The following ARHGAP15 variants were observed in gnomAD, a reference collection of about 807,000 sequenced individuals.
ARHGAP15 encodes rho GTPase-activating protein 15.
ARHGAP15 carries 51 observed loss-of-function variants against 63.7 expected under a neutral mutation model. The observed-to-expected ratio is 0.80, with a 90% CI of 0.64 to 1.01. The LOEUF is 1.01. ARHGAP15 is among the 50% of genes least tolerant of loss of function. The pLI, the probability that ARHGAP15 is intolerant of heterozygous loss-of-function variation, is 0.00. For synonymous variants in ARHGAP15, 191 were observed against 193.8 expected (o/e 0.99, Z 0.12); for missense variants, 560 against 564.6 (o/e 0.99, Z 0.08).
At chr2:143,151,304 G>A (rs922567465) in intron 1 of ARHGAP15, among the ~76,000 whole-genome samples, 2 of 151,956 alleles carry the variant, frequency 1.3e-5, no homozygotes, top group African/African-American at 4.8e-5. Context: ...AAGGGATATT[G>A]CATCATACAG....
chr2:143,411,684 G>A (rs891677489), intron 6 of ARHGAP15, among the ~76,000 whole-genome samples: 3 of 152,124 alleles, frequency 2.0e-5, no homozygotes, highest in Non-Finnish European at 4.4e-5. Flanking sequence ...TTAAGAACTG[G>A]AGATACATTG....
At chr2:143,597,399 T>C (rs1697564965) in intron 11 of ARHGAP15, among the ~76,000 whole-genome samples, 1 of 152,126 alleles carries the variant, frequency 6.6e-6, no homozygotes, top group African/African-American at 2.4e-5. Flanking sequence ...CTACCTTTAA[T>C]CCAGTTTATG....
chr2:143,642,635 G>A (rs952305483), intron 12 of ARHGAP15, among the ~76,000 whole-genome samples: 6 of 152,028 alleles, frequency 3.9e-5, no homozygotes, highest in Non-Finnish European at 8.8e-5. Flanking sequence ...AGAAGTAAGA[G>A]GTACATTCCC....
intron 8 of ARHGAP15, among the ~76,000 whole-genome samples, chr2:143,465,811 G>T (rs1242969112): frequency 6.6e-6 from 1 of 151,554 alleles, no homozygotes; most frequent in Non-Finnish European, 1.5e-5. Flanking sequence ...TTTCTAATTT[G>T]CTTCACTTTC....
At chr2:143,366,732 TCA>T (rs757445975) in intron 6 of ARHGAP15, among the ~76,000 whole-genome samples, 12 of 151,974 alleles carry the variant, frequency 7.9e-5, no homozygotes, top group African/African-American at 2.7e-4. Flanking sequence ...CAAAATAAAA[TCA>T]CACACAAAAA....
At chr2:143,437,764 G>A (rs565458821) in intron 8 of ARHGAP15, among the ~76,000 whole-genome samples, 37 of 152,210 alleles carry the variant, frequency 2.4e-4, no homozygotes, top group African/African-American at 8.2e-4. Context: ...GGTAGCTCAC[G>A]CCTGTAATCC....
At chr2:143,370,356 G>T (rs1353469497) in intron 6 of ARHGAP15, among the ~76,000 whole-genome samples, 2 of 152,090 alleles carry the variant, frequency 1.3e-5, no homozygotes, top group Admixed American at 6.6e-5. Context: ...TGTGGGGTGG[G>T]GGAAGGGGGG....
chr2:143,734,318 G>A (rs1685662600), intron 13 of ARHGAP15, among the ~76,000 whole-genome samples: 1 of 152,168 alleles, frequency 6.6e-6, no homozygotes, highest in Non-Finnish European at 1.5e-5. Context: ...ATGGCACTGA[G>A]GACCAATTCC....
At chr2:143,360,101 C>A (rs1297873610) in intron 6 of ARHGAP15, among the ~76,000 whole-genome samples, 1 of 151,834 alleles carries the variant, frequency 6.6e-6, no homozygotes. Flanking sequence ...TTCAGAAGGC[C>A]AGACTGGTGG....
chr2:143,690,617 A>G (rs1011287082), intron 12 of ARHGAP15, among the ~76,000 whole-genome samples: 2 of 152,216 alleles, frequency 1.3e-5, no homozygotes, highest in Non-Finnish European at 2.9e-5. Context: ...TAGATTTCAG[A>G]GTATTATTTT....
At chr2:143,730,729 G>A (rs930830501) in intron 13 of ARHGAP15, among the ~76,000 whole-genome samples, 6 of 152,006 alleles carry the variant, frequency 3.9e-5, no homozygotes, top group Non-Finnish European at 8.8e-5. Context: ...CCACAGTGCA[G>A]TGTCTCTTTA....
chr2:143,302,806 G>A lies in ARHGAP15; in HGVS notation c.474+52206G>A, dbSNP rs539093032. Among the ~76,000 whole-genome samples the A allele has an allele frequency of 3.6e-4, 55 of 152,120 alleles. No individual in the cohort carries two copies. The South Asian group carries it at 5.4e-3, about 15-fold the overall frequency. On this transcript the variant is annotated intron_variant, in intron 6 of 13. Coordinates refer to ENST00000295095, the MANE Select transcript of ARHGAP15 (RefSeq NM_018460.4). ...AAAGACTCAATTGAATAAATCATGA[G>A]CTTGACCAGAAGTAAACTCTTGTAA...
chr2:143,487,362 T>TA lies in ARHGAP15; in HGVS notation c.704-8dup. On this transcript the variant is annotated splice_polypyrimidine_tract_variant and intron_variant, in intron 8 of 13. Transcript: ENST00000295095. ...ATTTACCAAAAGCCTCTGATTTTTTTAAATCTTCAGTGTTCAGACTGCATC... is the reference window on the plus strand; with the variant it reads ...ATTTACCAAAAGCCTCTGATTTTTTTAAAATCTTCAGTGTTCAGACTGCATC... 6.3e-7 allele frequency: 1 copy of TA among 1,589,348 alleles called. No homozygotes were observed.
At chr2:143,507,027 A>G (rs1258907298) in intron 9 of ARHGAP15, among the ~76,000 whole-genome samples, 1 of 152,230 alleles carries the variant, frequency 6.6e-6, no homozygotes, top group Non-Finnish European at 1.5e-5. Flanking sequence ...GGCATGTAAT[A>G]TAATAAATGC....
intron 6 of ARHGAP15, among the ~76,000 whole-genome samples, chr2:143,411,389 G>A (rs912665116): frequency 7.2e-5 from 11 of 152,104 alleles, no homozygotes; most frequent in Middle Eastern, 3.4e-3. Context: ...TTAACTTGCT[G>A]TTTGGAGATA....
intron 10 of ARHGAP15, among the ~76,000 whole-genome samples, chr2:143,545,950 C>T (rs1045285244): frequency 1.3e-5 from 2 of 152,142 alleles, no homozygotes; most frequent in East Asian, 1.9e-4. Flanking sequence ...ATTTAGCTCT[C>T]GCGACTTCTC....
chr2:143,712,112 G>C (rs528095544), intron 13 of ARHGAP15, among the ~76,000 whole-genome samples: 1 of 152,288 alleles, frequency 6.6e-6, no homozygotes, highest in East Asian at 1.9e-4. Flanking sequence ...AGTAGTCCAA[G>C]CTAGAGATCC....
chr2:143,653,914 T>G (rs1681300007), intron 12 of ARHGAP15, among the ~76,000 whole-genome samples: 2 of 152,230 alleles, frequency 1.3e-5, no homozygotes, highest in South Asian at 4.1e-4. Context: ...CTGGAAGTTT[T>G]TCTACTATTA....
At chr2:143,188,480 C>G (rs927246791) in intron 2 of ARHGAP15, among the ~76,000 whole-genome samples, 1 of 151,852 alleles carries the variant, frequency 6.6e-6, no homozygotes, top group Non-Finnish European at 1.5e-5. Context: ...AAAATTTCCT[C>G]CCATTGTTCT....
Sources: gnomAD v4.1 joint callset for allele counts (sites outside exome capture counted in the v4.1 genomes callset) on GRCh38, gnomAD v4.1.1 for gene constraint, MANE v1.5 for transcripts, NCBI Gene and HGNC (gene_info 2026-07-23, HGNC 2026-07-21) for gene names.